The following CADM2 variants were observed in gnomAD, a reference collection of about 807,000 sequenced individuals.
CADM2 encodes immunoglobulin superfamily member 4D.
Under a neutral mutation model 49.8 loss-of-function variants are expected in CADM2, and 12 were observed. The observed-to-expected ratio is 0.24, with a 90% CI of 0.15 to 0.39. CADM2 has a LOEUF of 0.39. CADM2 is among the 10% of genes least tolerant of loss of function. CADM2 has a pLI of 1.00. For missense variants in CADM2, 378 were observed against 492.3 expected, an observed-to-expected ratio of 0.77 and a Z score of 2.20; for synonymous variants, 214 against 175.4, an observed-to-expected ratio of 1.22 and a Z score of -1.74.
chr3:85,638,366 A>T (rs2064585110), intron 1 of CADM2, among the ~76,000 whole-genome samples: 1 of 152,194 alleles, frequency 6.6e-6, no homozygotes, highest in African/African-American at 2.4e-5. Flanking sequence ...TTCTTCTCTC[A>T]AATAAATATC....
intron 1 of CADM2, among the ~76,000 whole-genome samples, chr3:85,334,259 G>C (rs1357602148): frequency 2.6e-5 from 4 of 151,378 alleles, no homozygotes; most frequent in African/African-American, 9.7e-5. Flanking sequence ...TCAGGTAGTT[G>C]GGTCATTAAA....
intron 6 of CADM2, among the ~76,000 whole-genome samples, chr3:85,920,077 A>G (rs949822063): frequency 6.6e-6 from 1 of 151,886 alleles, no homozygotes; most frequent in Non-Finnish European, 1.5e-5. Context: ...TTTATTTTAA[A>G]TTGCCCTATG....
intron 1 of CADM2, among the ~76,000 whole-genome samples, chr3:85,462,711 C>T (rs142376476): frequency 1.6e-3 from 242 of 152,196 alleles, no homozygotes; most frequent in African/African-American, 5.8e-3. Context: ...CCAGTTAACC[C>T]TAGCCTAAAA....
intron 1 of CADM2, among the ~76,000 whole-genome samples, chr3:85,520,737 T>A (rs922866729): frequency 6.6e-6 from 1 of 152,006 alleles, no homozygotes; most frequent in African/African-American, 2.4e-5. Context: ...AAGAAATACA[T>A]TAATTAAAAA....
intron 7 of CADM2, among the ~76,000 whole-genome samples, chr3:85,944,280 T>G (rs1290061422): frequency 6.6e-6 from 1 of 151,978 alleles, no homozygotes; most frequent in Non-Finnish European, 1.5e-5. Flanking sequence ...AGCAAATCCT[T>G]AGAGACCTGC....
At chr3:85,106,929 A>C (rs2038249173) in intron 1 of CADM2, among the ~76,000 whole-genome samples, 1 of 152,186 alleles carries the variant, frequency 6.6e-6, no homozygotes, top group African/African-American at 2.4e-5. Context: ...GAATTAGGAG[A>C]TCTAAAAGAA....
rs76141522 is a variant in CADM2 at position 85,004,236 on chromosome 3, C to A, written c.61+44568C>A. Among the ~76,000 whole-genome samples, 970 of 152,134 alleles carry A rather than the reference C, an allele frequency of 6.4e-3. 16 individuals are homozygous for A. Among genetic ancestry groups the A allele is most frequent in the African/African-American group, 0.022 (927 of 41,512 alleles). The stretch of plus-strand genomic sequence containing the variant: ...TCTGGTTGTAGAAGAGGGAAAGCAA[C>A]GAAGCGTTTGCTGGTTAACACATAC... On this transcript the variant is annotated intron_variant, in intron 1 of 9. Coordinates refer to ENST00000383699, the MANE Select transcript of CADM2 (RefSeq NM_001167675.2).
chr3:85,390,397 A>C (rs2034460513), intron 1 of CADM2, among the ~76,000 whole-genome samples: 7 of 152,096 alleles, frequency 4.6e-5, no homozygotes, highest in Admixed American at 4.6e-4. Context: ...ATTGAAGTGT[A>C]AAATCACACA....
intron 1 of CADM2, among the ~76,000 whole-genome samples, chr3:85,484,856 T>C (rs1055367733): frequency 1.3e-5 from 2 of 151,964 alleles, no homozygotes; most frequent in African/African-American, 4.8e-5. Flanking sequence ...AAATTTAACA[T>C]ATTTTATAGT....
chr3:84,972,361 AT>A, intron 1 of CADM2, among the ~76,000 whole-genome samples: 1 of 152,340 alleles, frequency 6.6e-6, no homozygotes, highest in East Asian at 1.9e-4. Flanking sequence ...TTAACTTTTT[AT>A]ATCCATCTAT....
chr3:85,768,820 A>G (rs1389885140), intron 2 of CADM2, among the ~76,000 whole-genome samples: 4 of 72,962 alleles, frequency 5.5e-5, no homozygotes, highest in African/African-American at 2.7e-4. Context: ...TATAGTATAT[A>G]TACACATATA....
At chr3:85,173,817 T>A (rs546267098) in intron 1 of CADM2, among the ~76,000 whole-genome samples, 53 of 152,330 alleles carry the variant, frequency 3.5e-4, no homozygotes, top group South Asian at 2.9e-3. Flanking sequence ...GTAGTATCCA[T>A]ACCTACGTGT....
intron 1 of CADM2, among the ~76,000 whole-genome samples, chr3:85,402,916 T>C (rs1372323667): frequency 6.6e-6 from 1 of 152,128 alleles, no homozygotes; most frequent in African/African-American, 2.4e-5. Context: ...GTGATGTTAA[T>C]ATAGATATAG....
At position 86,073,310 on chromosome 3, in the gene CADM2, G is replaced by A. The variant is rs1703382566; in HGVS notation, c.*6527G>A. On this transcript the variant is annotated 3_prime_UTR_variant, in exon 10 of 10. Transcript: ENST00000383699. The stretch of plus-strand genomic sequence containing the variant: ...CTTTTGGAAGGGTATATTTATGACA[G>A]CATAAAAAATAAATTCTGTGCTATA... The A allele has an allele frequency of 1.3e-5, 2 of 151,868 alleles. No individual in the cohort carries two copies. Among genetic ancestry groups the A allele is most frequent in the Admixed American group, 6.6e-5 (1 of 15,212 alleles). The allele number at this position is 151,868 out of a possible 1,614,324, so 9.4% of individuals were successfully genotyped here.
chr3:85,298,881 G>A (rs1392660765), intron 1 of CADM2, among the ~76,000 whole-genome samples: 2 of 151,962 alleles, frequency 1.3e-5, no homozygotes, highest in Non-Finnish European at 2.9e-5. Flanking sequence ...ACATCTTTAA[G>A]GTAAACTATT....
At chr3:85,249,431 C>G (rs1205584332) in intron 1 of CADM2, among the ~76,000 whole-genome samples, 2 of 151,818 alleles carry the variant, frequency 1.3e-5, no homozygotes, top group Non-Finnish European at 2.9e-5. Flanking sequence ...CAAAGCAATT[C>G]TCACCAATTT....
chr3:84,996,285 A>T (rs1031233206), intron 1 of CADM2, among the ~76,000 whole-genome samples: 1 of 152,276 alleles, frequency 6.6e-6, no homozygotes, highest in African/African-American at 2.4e-5. Flanking sequence ...ATATTAAGTT[A>T]AATTGCCTCT....
intron 8 of CADM2, among the ~76,000 whole-genome samples, chr3:86,046,191 A>T (rs1366431529): frequency 6.6e-6 from 1 of 152,100 alleles, no homozygotes; most frequent in Non-Finnish European, 1.5e-5. Flanking sequence ...AACCTAAATT[A>T]TGTTTTTATT....
intron 1 of CADM2, among the ~76,000 whole-genome samples, chr3:85,420,846 T>C (rs1260450677): frequency 6.6e-6 from 1 of 152,194 alleles, no homozygotes; most frequent in African/African-American, 2.4e-5. Context: ...TATGTTATCT[T>C]ATAAAATAAG....
Sources: allele counts gnomAD v4.1 joint callset (sites outside exome capture counted in the v4.1 genomes callset), GRCh38; gene constraint gnomAD v4.1.1; transcripts MANE v1.5; gene names NCBI Gene and HGNC (gene_info 2026-07-23, HGNC 2026-07-21).